The following SLC24A4 variants were observed in gnomAD, a reference collection of about 807,000 sequenced individuals.
SLC24A4 encodes the protein sodium/potassium/calcium exchanger 4.
A neutral mutation model predicts 79.0 loss-of-function variants in SLC24A4; 53 were observed. The observed-to-expected ratio is 0.67, with a 90% CI of 0.54 to 0.84. SLC24A4 has a LOEUF of 0.84. Among genes scored for constraint, SLC24A4 ranks in the 40% least tolerant of loss-of-function variants. SLC24A4 has a pLI of 0.00. For synonymous variants in SLC24A4, 323 were observed against 323.8 expected (o/e 1.00, Z 0.03); for missense variants, 731 against 822.0 (o/e 0.89, Z 1.35).
At chr14:92,343,278 T>C (rs1392828414) in intron 2 of SLC24A4, among the ~76,000 whole-genome samples, 3 of 152,238 alleles carry the variant, frequency 2.0e-5, no homozygotes, top group Non-Finnish European at 4.4e-5. Context: ...TCTTCTGTAA[T>C]CATATCCTAA....
At chr14:92,343,633 T>TCTCC (rs1886316895) in intron 2 of SLC24A4, among the ~76,000 whole-genome samples, 1 of 96,722 alleles carries the variant, frequency 1.0e-5, no homozygotes, top group Non-Finnish European at 2.4e-5. Flanking sequence ...TCTTTCTTTC[T>TCTCC]TTCTTTCTCT....
rs895189339 is a variant in SLC24A4 at position 92,402,909 on chromosome 14, A to G, written c.242-31003A>G. ...AACCATATCACATCCCAACAGAAGC[A>G]GAGAAACCCTGAAATCTCAGTAGCT... On this transcript the variant is annotated intron_variant, in intron 2 of 16. Transcript: ENST00000532405. 2.0e-5 allele frequency among the ~76,000 whole-genome samples: 3 copies of G among 152,174 alleles called. No homozygotes were observed. The South Asian group carries it at 6.2e-4, about 32-fold the overall frequency.
intron 2 of SLC24A4, among the ~76,000 whole-genome samples, chr14:92,421,143 A>G (rs1891255754): frequency 6.6e-6 from 1 of 152,172 alleles, no homozygotes; most frequent in Non-Finnish European, 1.5e-5. Flanking sequence ...TTACTTGTTC[A>G]TCCTTGCCAT....
chr14:92,478,808 C>A (rs920674834), intron 12 of SLC24A4, among the ~76,000 whole-genome samples: 2 of 152,110 alleles, frequency 1.3e-5, no homozygotes, highest in Non-Finnish European at 2.9e-5. Flanking sequence ...ACCGTCTTAA[C>A]CATTTTAAGC....
At chr14:92,483,616 C>A in intron 13 of SLC24A4, 1 of 628,624 alleles carries the variant, frequency 1.6e-6, no homozygotes, top group African/African-American at 1.9e-5. Context: ...GACAAGTCCC[C>A]ATGTAAACCT....
At chr14:92,327,024 C>T (rs1885183056) in intron 2 of SLC24A4, among the ~76,000 whole-genome samples, 1 of 152,176 alleles carries the variant, frequency 6.6e-6, no homozygotes, top group South Asian at 2.1e-4. Context: ...AGGCAAGTCT[C>T]TTCCCCATTT....
chr14:92,353,806 T>C lies in SLC24A4; in HGVS notation c.241+27828T>C, dbSNP rs1455384093. Among the ~76,000 whole-genome samples, 6 of 152,120 alleles carry C rather than the reference T, an allele frequency of 3.9e-5. No homozygotes were observed. The highest frequency in any genetic ancestry group is 2.9e-5 in the Non-Finnish European group (2 of 68,036). On this transcript the variant is annotated intron_variant, in intron 2 of 16. Coordinates refer to ENST00000532405, the MANE Select transcript of SLC24A4 (RefSeq NM_153646.4). The surrounding 1 kb of genome is among the most constrained non-coding windows in gnomAD (Gnocchi z 4.1). Reference sequence around the variant, plus strand: ...AAATCTAGCATGGCCAGGGGAGGCATCTTGAGTGTTCAGTTCCCTGAAGCA... The same window carrying C: ...AAATCTAGCATGGCCAGGGGAGGCACCTTGAGTGTTCAGTTCCCTGAAGCA...
chr14:92,368,209 A>T (rs1887959188), intron 2 of SLC24A4, among the ~76,000 whole-genome samples: 1 of 152,226 alleles, frequency 6.6e-6, no homozygotes, highest in South Asian at 2.1e-4. Context: ...AACAATGGGC[A>T]ATTCATTAAT....
intron 2 of SLC24A4, among the ~76,000 whole-genome samples, chr14:92,391,980 A>G (rs1342324428): frequency 6.6e-6 from 1 of 152,036 alleles, no homozygotes; most frequent in Non-Finnish European, 1.5e-5. Flanking sequence ...CCCCAGCTCT[A>G]CGTTCTCCCT....
chr14:92,373,720 G>T (rs553124334), intron 2 of SLC24A4, among the ~76,000 whole-genome samples: 2 of 152,340 alleles, frequency 1.3e-5, no homozygotes, highest in Admixed American at 1.3e-4. Flanking sequence ...TAATGAGAAA[G>T]AACACTCTTC....
At chr14:92,444,409 C>T (rs777464573) in intron 7 of SLC24A4, among the ~76,000 whole-genome samples, 7 of 151,972 alleles carry the variant, frequency 4.6e-5, no homozygotes, top group African/African-American at 7.2e-5. Flanking sequence ...TGGGTGGTGC[C>T]GATGTTGATG....
intron 2 of SLC24A4, among the ~76,000 whole-genome samples, chr14:92,421,916 C>T (rs191250564): frequency 4.6e-5 from 7 of 151,976 alleles, no homozygotes; most frequent in African/African-American, 1.4e-4. Flanking sequence ...AAAGGGCAGC[C>T]GTTTAGAATT....
chr14:92,326,877 A>G (rs1885173088), intron 2 of SLC24A4, among the ~76,000 whole-genome samples: 1 of 152,164 alleles, frequency 6.6e-6, no homozygotes, highest in South Asian at 2.1e-4. Context: ...AATGGGCAGA[A>G]TAGTTGCCTG....
At chr14:92,448,928 GA>G in intron 9 of SLC24A4, 145 bp from the exon 10 acceptor site, 2 of 912,578 alleles carry the variant, frequency 2.2e-6, no homozygotes, top group Non-Finnish European at 3.3e-6. Flanking sequence ...CAGCCCAGTT[GA>G]AAAGCTGAGG....
chr14:92,325,521 CA>C (rs1202157874), intron 1 of SLC24A4, among the ~76,000 whole-genome samples: 1 of 152,248 alleles, frequency 6.6e-6, no homozygotes, highest in Non-Finnish European at 1.5e-5. Context: ...GAAGTTCCTC[CA>C]GGGCAGGGGC....
Position 92,497,385 on chromosome 14 carries a change from G to A in SLC24A4, c.*3757G>A, listed in dbSNP as rs144390889. ...CAGGAGCCCATCTCTCAGAGAACCC[G>A]GACTCCCCAAGCAGACTGGGATTTT... On this transcript the variant is annotated 3_prime_UTR_variant, in exon 17 of 17. Transcript: ENST00000532405. 1.8e-4 allele frequency: 28 copies of A among 152,344 alleles called. No homozygotes were observed. The highest frequency in any genetic ancestry group is 5.8e-4 in the African/African-American group (24 of 41,540). 9.4% of individuals were successfully genotyped at this position (152,344 alleles called of 1,614,324 possible). A position where few individuals can be genotyped will look rare whatever the true frequency, so the allele number is the denominator to read the frequency against.
At chr14:92,453,806 G>T in intron 10 of SLC24A4, 94 bp from the exon 11 acceptor site, 1 of 1,394,564 alleles carries the variant, frequency 7.2e-7, no homozygotes, top group South Asian at 1.5e-5. Context: ...CCACAGCCTA[G>T]GGCAGCTCAC....
Position 92,323,829 on chromosome 14 carries a change from G to A in SLC24A4, c.-2G>A, listed in dbSNP as rs780141660. On this transcript the variant is annotated 5_prime_UTR_variant, in exon 1 of 17. Transcript: ENST00000532405. This position sits in a 1 kb window ranked among gnomAD's most constrained non-coding sequence, Gnocchi z 4.9. The stretch of plus-strand genomic sequence containing the variant: ...CCAGAGACGGCACCCAGGCGCTCCG[G>A]GATGGCGCTCCGCGGGACCCTCCGG... 1.3e-6 allele frequency: 2 copies of A among 1,570,864 alleles called. No individual in the cohort carries two copies. Among genetic ancestry groups the A allele is most frequent in the South Asian group, 2.3e-5 (2 of 87,058 alleles).
chr14:92,418,590 G>C (rs1776401634), intron 2 of SLC24A4, among the ~76,000 whole-genome samples: 1 of 152,214 alleles, frequency 6.6e-6, no homozygotes, highest in South Asian at 2.1e-4. Context: ...TGCCAGGCCA[G>C]CAGATTCGAA....
Sources: allele counts gnomAD v4.1 joint callset (sites outside exome capture counted in the v4.1 genomes callset), GRCh38; gene constraint gnomAD v4.1.1; non-coding constraint Gnocchi (gnomAD v3.1); transcripts MANE v1.5; gene names NCBI Gene and HGNC (gene_info 2026-07-23, HGNC 2026-07-21).